SLC29A1: variants seen among roughly 807,000 people sequenced by gnomAD.
SLC29A1 encodes the protein equilibrative nucleoside transporter 1.
In SLC29A1, 22 loss-of-function variants were observed where a neutral mutation model predicts 48.3. That is an observed-to-expected ratio of 0.46 (90% CI 0.33 to 0.65). SLC29A1 has a LOEUF of 0.65. Among genes scored for constraint, SLC29A1 ranks in the 30% least tolerant of loss-of-function variants. SLC29A1 has a pLI of 0.03. For synonymous variants in SLC29A1, 228 were observed against 231.0 expected, an observed-to-expected ratio of 0.99 and a Z score of 0.12; for missense variants, 491 against 575.3, an observed-to-expected ratio of 0.85 and a Z score of 1.50.
At chr6:44,226,775 G>A in intron 1 of SLC29A1, 2 of 1,001,964 alleles carry the variant, frequency 2.0e-6, no homozygotes, top group African/African-American at 3.5e-5. Flanking sequence ...TGTCGCAGCT[G>A]CTGCAGATCT....
rs1362655303 is a variant in SLC29A1, at chr6:44,224,040, AGG to A, written c.-52+400_-52+401del. On this transcript the variant is annotated intron_variant, in intron 1 of 12. Coordinates refer to ENST00000371755, the MANE Select transcript of SLC29A1 (RefSeq NM_001372327.1). ...GATGGGGATGGAGGCTCGCGAGCGG[AGG>A]TGCAGGCTCGCGAGCGGAGGTGCGG... 8.1e-3 allele frequency: 237 copies of A among 29,300 alleles called. No homozygotes were observed. In the African/African-American group the frequency reaches 0.17, roughly 21 times the overall value. 1.8% of individuals were successfully genotyped at this position (29,300 alleles called of 1,614,324 possible).
rs1373988413 is a variant in SLC29A1 at position 44,230,018 on chromosome 6, C to T, written c.426C>T (p.Ile142=). Residue 142 remains isoleucine (I), a synonymous_variant, in exon 5 of 13, where the codon ATC becomes ATT. Coordinates refer to ENST00000371755, the MANE Select transcript of SLC29A1 (RefSeq NM_001372327.1). ...TGGATGCTCTGCCCTTCTTTGTCAT[C>T]ACCATGATCAAGATCGTGCTCATTA... ...VQLDALPFFV[I]TMIKIVLINS... The T allele has an allele frequency of 6.2e-6, 10 of 1,610,054 alleles. No individual in the cohort carries two copies. The highest frequency in any genetic ancestry group is 8.5e-6 in the Non-Finnish European group (10 of 1,180,010).
upstream of SLC29A1, chr6:44,219,811 C>T (rs944842055): frequency 2.0e-5 from 3 of 146,620 alleles, no homozygotes; most frequent in African/African-American, 7.4e-5. Flanking sequence ...GGGGGCCTGG[C>T]GGGGCGGGGT....
intron 1 of SLC29A1, chr6:44,226,147 G>T: frequency 4.1e-6 from 4 of 984,644 alleles, no homozygotes; most frequent in Non-Finnish European, 4.8e-6. Context: ...TGACCCTTCT[G>T]CTGGCCAGTC....
Position 44,229,645 on chromosome 6 carries a change from G to A in SLC29A1, c.168G>A (p.Leu56=), listed in dbSNP as rs1422783234. The A allele has an allele frequency of 2.9e-5, 46 of 1,614,026 alleles. No homozygotes were observed. The highest frequency in any genetic ancestry group is 3.8e-5 in the Non-Finnish European group (45 of 1,180,026). Residue 56 remains leucine, a synonymous_variant, in exon 4 of 13, where the codon CTG becomes CTA. Coordinates refer to ENST00000371755, the MANE Select transcript of SLC29A1 (RefSeq NM_001372327.1). This position sits in a 1 kb window ranked among gnomAD's most constrained non-coding sequence, Gnocchi z 5.1. ...SQNVSLVTAE[L]SKDAQASAAP... is the part of the protein sequence containing the mutation. ...ATGTGTCCTTGGTCACTGCTGAACT[G>A]AGCAAGGACGCCCAGGCGTCAGCCG...
chr6:44,227,480 G>T, intron 2 of SLC29A1, 138 bp downstream of exon 2: 4 of 746,796 alleles, frequency 5.4e-6, no homozygotes, highest in Non-Finnish European at 9.1e-6. Context: ...TGCATCAGGG[G>T]TGGGGACCCC....
At position 44,229,443 on chromosome 6, in the gene SLC29A1, C is replaced by T. The variant is rs746738799; in HGVS notation, c.83C>T (p.Pro28Leu). The change falls in exon 3 of 13, where the codon CCG becomes CTG. Residue 28 changes from proline to leucine, a missense_variant. By Grantham distance (98) the Pro-to-Leu change is moderately conservative. Transcript: ENST00000371755. This position sits in a 1 kb window ranked among gnomAD's most constrained non-coding sequence, Gnocchi z 5.1. ...FFMLGLGTLL[P>L]WNFFMTATQY... ...ATGCTGGGTCTGGGAACGCTGCTCC[C>T]GTGGAATTTTTTCATGACGGCCACT... is the stretch of plus-strand genomic sequence containing the variant. The T allele has an allele frequency of 1.4e-5, 22 of 1,614,106 alleles. No individual in the cohort carries two copies. Among genetic ancestry groups the T allele is most frequent in the Non-Finnish European group, 1.8e-5 (21 of 1,179,988 alleles).
chr6:44,229,345 G>T lies in SLC29A1; in HGVS notation c.30-45G>T, dbSNP rs969108471. The stretch of plus-strand genomic sequence containing the variant: ...TTCCTGGGGCTCATTGTGGAGTGGG[G>T]CAGGATGGTGCGTCATTTGGCCCAT... On this transcript the variant is annotated intron_variant, in intron 2 of 12. Coordinates refer to ENST00000371755, the MANE Select transcript of SLC29A1 (RefSeq NM_001372327.1). The surrounding 1 kb of genome is among the most constrained non-coding windows in gnomAD (Gnocchi z 5.1). 2.8e-6 allele frequency: 4 copies of T among 1,448,574 alleles called. No individual in the cohort carries two copies. The highest frequency in any genetic ancestry group is 3.9e-6 in the Non-Finnish European group (4 of 1,028,858). 89.7% of individuals were successfully genotyped at this position (1,448,574 alleles called of 1,614,324 possible).
In SLC29A1 at chr6:44,232,024, C is replaced by T; in HGVS notation, c.891C>T (p.Cys297=). ...TCTCAGTCCTGGCTTTCTCTGTCTG[C>T]TTCATCTTCACTATCACCATTGGGA... ...KNISVLAFSV[C]FIFTITIGMF... is the part of the protein sequence containing the mutation. The change falls in exon 10 of 13, where the codon TGC becomes TGT. Residue 297 remains cysteine (C), a synonymous_variant. Transcript: ENST00000371755. The surrounding 1 kb of genome is among the most constrained non-coding windows in gnomAD (Gnocchi z 4.7). The T allele has an allele frequency of 6.2e-7, 1 of 1,613,924 alleles. No individual in the cohort carries two copies. The highest frequency in any genetic ancestry group is 1.1e-5 in the South Asian group (1 of 91,072).
intron 9 of SLC29A1, 85 bp from the exon 10 acceptor site, chr6:44,231,913 C>G (rs1193267403): frequency 9.8e-7 from 1 of 1,015,618 alleles, no homozygotes; most frequent in African/African-American, 1.6e-5. Flanking sequence ...CGTGAGCCAC[C>G]ACGCCTGGCC....
chr6:44,222,698 A>C (rs1582922951), upstream of SLC29A1, among the ~76,000 whole-genome samples: 1 of 151,530 alleles, frequency 6.6e-6, no homozygotes, highest in South Asian at 2.1e-4. Context: ...TTGCTGGACC[A>C]CCCCTCAGCA....
At chr6:44,231,954 C>T in intron 9 of SLC29A1, 44 bp from the exon 10 acceptor site, 2 of 1,400,708 alleles carry the variant, frequency 1.4e-6, no homozygotes, top group Non-Finnish European at 2.0e-6. Context: ...GCACAGCCAC[C>T]ATGAAGACAC....
In SLC29A1 at chr6:44,229,032, C is replaced by T. The variant is rs1029703337; in HGVS notation, c.30-358C>T. Among the ~76,000 whole-genome samples the T allele has an allele frequency of 6.6e-6, 1 of 152,242 alleles. No homozygotes were observed. The highest frequency in any genetic ancestry group is 2.4e-5 in the African/African-American group (1 of 41,456). On this transcript the variant is annotated intron_variant, in intron 2 of 12. Transcript: ENST00000371755. The surrounding 1 kb of genome is among the most constrained non-coding windows in gnomAD (Gnocchi z 5.1). ...GACACTTGCTGCTTGCTTTCTCACTCATCCACCCACCCCCTGCCCTTCGGC... is the reference window on the plus strand; with the variant it reads ...GACACTTGCTGCTTGCTTTCTCACTTATCCACCCACCCCCTGCCCTTCGGC...
At chr6:44,224,001 G>A in intron 1 of SLC29A1, 1 of 961,082 alleles carries the variant, frequency 1.0e-6, no homozygotes, top group East Asian at 1.2e-4. Flanking sequence ...CTGGCGGAGG[G>A]GTATGGGGAT....
chr6:44,231,526 C>T, intron 9 of SLC29A1, 65 bp downstream of exon 9: 1 of 996,274 alleles, frequency 1.0e-6, no homozygotes, highest in Non-Finnish European at 1.6e-6. Context: ...TTTGCTCCCT[C>T]CCCCTGCCAC....
In SLC29A1 at chr6:44,229,210, G is replaced by A. The variant is rs1447691458; in HGVS notation, c.30-180G>A. Among the ~76,000 whole-genome samples, 1 of 151,922 alleles carries A rather than the reference G, an allele frequency of 6.6e-6. No individual in the cohort carries two copies. The highest frequency in any genetic ancestry group is 1.9e-4 in the East Asian group (1 of 5,194). The stretch of plus-strand genomic sequence containing the variant: ...CCATCCCCACCCCAAATTCCAACGA[G>A]CAATGTACCCTTTTCTCCCCCCACA... On this transcript the variant is annotated intron_variant, in intron 2 of 12. Coordinates refer to ENST00000371755, the MANE Select transcript of SLC29A1 (RefSeq NM_001372327.1). This position sits in a 1 kb window ranked among gnomAD's most constrained non-coding sequence, Gnocchi z 5.1.
At chr6:44,227,403 GTGTCCT>G in intron 2 of SLC29A1, 61 bp downstream of exon 2, 1 of 1,455,558 alleles carries the variant, frequency 6.9e-7, no homozygotes, top group Non-Finnish European at 9.6e-7. Context: ...GCTGGGTGTG[GTGTCCT>G]TTGGAATTGG....
At chr6:44,227,148 T>C in intron 1 of SLC29A1, 115 bp from the exon 2 acceptor site, 1 of 1,385,572 alleles carries the variant, frequency 7.2e-7, no homozygotes. Context: ...GAGGGGGTCT[T>C]ACTGGACTCC....
chr6:44,231,890 C>T, intron 9 of SLC29A1, 108 bp from the exon 10 acceptor site: 1 of 780,292 alleles, frequency 1.3e-6, no homozygotes, highest in East Asian at 2.8e-5. Flanking sequence ...TCCCAAAGTG[C>T]TGAGATTACA....
Sources: gnomAD v4.1 joint callset for allele counts (sites outside exome capture counted in the v4.1 genomes callset) on GRCh38, gnomAD v4.1.1 for gene constraint, Gnocchi (gnomAD v3.1) non-coding constraint, MANE v1.5 for transcripts, NCBI Gene and HGNC (gene_info 2026-07-23, HGNC 2026-07-21) for gene names.